Variants in SERPINB8 observed in about 807,000 individuals in gnomAD.
SERPINB8 encodes the protein serpin family B member 8, also known as serpin B8.
A neutral mutation model predicts 35.3 loss-of-function variants in SERPINB8; 25 were observed. The observed-to-expected ratio is 0.71, with a 90% CI of 0.52 to 0.99. The LOEUF is 0.99. Among genes scored for constraint, SERPINB8 ranks in the 50% least tolerant of loss-of-function variants. The pLI, the probability that SERPINB8 is intolerant of heterozygous loss-of-function variation, is 0.00. For synonymous variants in SERPINB8, 186 were observed against 160.8 expected (o/e 1.16, Z -1.19); for missense variants, 484 against 446.5 (o/e 1.08, Z -0.76).
chr18:63,993,715 T>G (rs568518186), downstream of SERPINB8, among the ~76,000 whole-genome samples: 1 of 152,196 alleles, frequency 6.6e-6, no homozygotes, highest in East Asian at 1.9e-4. Context: ...TGTGATCCCA[T>G]AGGCCTGACC....
intron 7 of SERPINB8, among the ~76,000 whole-genome samples, chr18:64,014,949 A>T (rs1048737213): frequency 2.0e-5 from 3 of 152,140 alleles, no homozygotes; most frequent in African/African-American, 7.2e-5. Context: ...ACATTTTTTT[A>T]AAATAATAAA....
intron 1 of SERPINB8, chr18:63,970,554 G>C (rs2050453095): frequency 6.5e-6 from 1 of 152,732 alleles, no homozygotes; most frequent in African/African-American, 2.4e-5. Flanking sequence ...GGAGCGGGGG[G>C]TGACGCGAGC....
rs558189904 is a variant in SERPINB8 at position 64,002,855 on chromosome 18, T to C, written c.71-1964T>C. Among the ~76,000 whole-genome samples the C allele has an allele frequency of 3.3e-5, 5 of 152,172 alleles. No individual in the cohort carries two copies. The South Asian group carries it at 1.0e-3, about 32-fold the overall frequency. ...CGCCGCCTGCAGTCGCCGCCGTCTGTGGTCGCCGCCGCCTGCGGTCGTGCC... is the reference window on the plus strand; with the variant it reads ...CGCCGCCTGCAGTCGCCGCCGTCTGCGGTCGCCGCCGCCTGCGGTCGTGCC... On this transcript the variant is annotated intron_variant, in intron 1 of 1. Coordinates refer to the SERPINB8 transcript ENST00000493661.
chr18:64,005,918 A>G (rs2050897947), downstream of SERPINB8, among the ~76,000 whole-genome samples: 1 of 152,190 alleles, frequency 6.6e-6, no homozygotes, highest in Admixed American at 6.5e-5. Context: ...GTAATTTTAC[A>G]ACTTCAAGCA....
intron 2 of SERPINB8, among the ~76,000 whole-genome samples, chr18:63,979,343 G>A (rs916126279): frequency 6.6e-6 from 1 of 152,146 alleles, no homozygotes; most frequent in African/African-American, 2.4e-5. Context: ...TGTATTACCC[G>A]AGTTGTAATT....
In SERPINB8 at chr18:63,998,952, G is replaced by A. The variant is rs533744607; in HGVS notation, c.71-5867G>A. Among the ~76,000 whole-genome samples the A allele has an allele frequency of 7.9e-5, 12 of 152,278 alleles. No homozygotes were observed. In the South Asian group the frequency reaches 2.5e-3, roughly 32 times the overall value. On this transcript the variant is annotated intron_variant, in intron 1 of 1. Transcript: ENST00000493661. Reference sequence around the variant, plus strand: ...AATAGAAACTTTGATGGAACCCCAGGAGAAGCCAAGCCAGAATATTTAGGT... The same window carrying A: ...AATAGAAACTTTGATGGAACCCCAGAAGAAGCCAAGCCAGAATATTTAGGT...
chr18:63,972,681 A>AC (rs1323247971), intron 1 of SERPINB8, among the ~76,000 whole-genome samples: 1 of 16,982 alleles, frequency 5.9e-5, no homozygotes, highest in East Asian at 1.5e-3. Flanking sequence ...GATTTTCCCC[A>AC]CCCTATGTCC....
At chr18:64,004,022 A>C (rs1008001493) in intron 1 of SERPINB8, among the ~76,000 whole-genome samples, 17 of 152,290 alleles carry the variant, frequency 1.1e-4, no homozygotes, top group African/African-American at 3.8e-4. Flanking sequence ...GAGGATATAC[A>C]CACTCTCTTT....
chr18:64,011,977 G>C (rs777753851), intron 7 of SERPINB8, among the ~76,000 whole-genome samples: 28 of 152,254 alleles, frequency 1.8e-4, no homozygotes, highest in Non-Finnish European at 3.7e-4. Context: ...GTGACAGTTA[G>C]AAGTGTTTCA....
At chr18:63,990,322 C>T (rs1326692352), downstream of SERPINB8, among the ~76,000 whole-genome samples, 1 of 152,030 alleles carries the variant, frequency 6.6e-6, no homozygotes, top group Non-Finnish European at 1.5e-5. Flanking sequence ...GTCATCTGCC[C>T]TCCTTGGCCT....
chr18:63,990,900 G>C (rs2050822099), downstream of SERPINB8, among the ~76,000 whole-genome samples: 2 of 152,186 alleles, frequency 1.3e-5, no homozygotes, highest in African/African-American at 4.8e-5. Flanking sequence ...GTTTCTTCCA[G>C]AAGTGTTACC....
At chr18:64,017,124 T>C (rs766253064) in intron 7 of SERPINB8, among the ~76,000 whole-genome samples, 4 of 152,164 alleles carry the variant, frequency 2.6e-5, no homozygotes, top group Non-Finnish European at 5.9e-5. Flanking sequence ...TAAATTGATA[T>C]TAGGCTCATC....
intron 1 of SERPINB8, among the ~76,000 whole-genome samples, chr18:63,971,348 A>G (rs917659257): frequency 6.6e-6 from 1 of 152,212 alleles, no homozygotes; most frequent in African/African-American, 2.4e-5. Flanking sequence ...GGCTCTAGAC[A>G]GTCTACTCAT....
At chr18:63,996,083 A>G (rs213070) in intron 1 of SERPINB8, among the ~76,000 whole-genome samples, 44,200 of 152,008 alleles carry the variant, frequency 0.29, 8,089 homozygotes, top group African/African-American at 0.53. Context: ...TAATATCTGC[A>G]AGCACTGATG....
chr18:63,973,342 GT>G (rs1034548638), intron 1 of SERPINB8, among the ~76,000 whole-genome samples: 29 of 152,180 alleles, frequency 1.9e-4, no homozygotes, highest in African/African-American at 7.0e-4. Flanking sequence ...GGGGTTGTTT[GT>G]TTTTTTCTTG....
chr18:63,979,923 G>A lies in SERPINB8; in HGVS notation c.291G>A (p.Thr97=), dbSNP rs554797034. 36 of 1,614,068 alleles carry A rather than the reference G, an allele frequency of 2.2e-5. No homozygotes were observed. The highest frequency in any genetic ancestry group is 1.5e-4 in the African/African-American group (11 of 75,052). The change falls in exon 3 of 7, where the codon ACG becomes ACA. Residue 97 remains threonine (T), a synonymous_variant. Transcript: ENST00000397985. ...CCAACAGACTCTTTGGAGAAAAGAC[G>A]TGTGATTTCCTTCCAGTAAGTAGTA... is the stretch of plus-strand genomic sequence containing the variant. ...RTANRLFGEK[T]CDFLPDFKEY...
At position 63,987,353 on chromosome 18, in the gene SERPINB8, T is replaced by C. The variant is rs143838221; in HGVS notation, c.*75T>C. On this transcript the variant is annotated 3_prime_UTR_variant, in exon 7 of 7. Transcript: ENST00000397985. The stretch of plus-strand genomic sequence containing the variant: ...TTAATTAACATTCCCTGTGACCTAG[T>C]TGGTGCAGTGGCTTGAATGCCAAAA... The C allele has an allele frequency of 8.2e-4, 1,205 of 1,468,542 alleles. 11 individuals carry two copies. In the African/African-American group the frequency reaches 0.015, roughly 18 times the overall value. 91.0% of individuals were successfully genotyped at this position (1,468,542 alleles called of 1,614,324 possible).
At chr18:64,015,758 C>A (rs1300594493) in intron 7 of SERPINB8, among the ~76,000 whole-genome samples, 6 of 152,200 alleles carry the variant, frequency 3.9e-5, no homozygotes, top group Admixed American at 3.9e-4. Flanking sequence ...CATTTTCCAG[C>A]GACACTTCTT....
chr18:63,975,382 G>A (rs2144790966), intron 1 of SERPINB8, among the ~76,000 whole-genome samples: 1 of 152,292 alleles, frequency 6.6e-6, no homozygotes, highest in East Asian at 1.9e-4. Flanking sequence ...CCCGGGACTT[G>A]CCTGCACATA....
Sources: allele counts gnomAD v4.1 joint callset (sites outside exome capture counted in the v4.1 genomes callset), GRCh38; gene constraint gnomAD v4.1.1; transcripts MANE v1.5; gene names NCBI Gene and HGNC (gene_info 2026-07-23, HGNC 2026-07-21).